JRK: variants seen among roughly 807,000 people sequenced by gnomAD.
The protein encoded by JRK is Jrk helix-turn-helix protein.
For missense variants in JRK, 720 were observed against 509.2 expected, an observed-to-expected ratio of 1.41 and a Z score of -3.98; for synonymous variants, 303 against 218.1, an observed-to-expected ratio of 1.39 and a Z score of -3.43.
chr8:142,651,692 C>T, the JRK span, among the ~76,000 whole-genome samples: 6 of 152,050 alleles, frequency 3.9e-5, no homozygotes, highest in South Asian at 2.1e-4. Context: ...AAACAAACAA[C>T]AAAACAACAA....
chr8:142,666,550 T>C (rs1297768679), intron 1 of JRK, 30 bp from the exon 2 acceptor site: 1 of 248,112 alleles, frequency 4.0e-6, no homozygotes, highest in Non-Finnish European at 8.4e-6. Flanking sequence ...GAGAGGAAAG[T>C]GATGGGGCGC....
At chr8:142,669,197 T>TGTGTGTTGGGGGGTATGGAGGATATGAA (rs1409456082) in intron 1 of JRK, among the ~76,000 whole-genome samples, 1 of 56,784 alleles carries the variant, frequency 1.8e-5, no homozygotes, top group Admixed American at 1.4e-4. Flanking sequence ...TGTGTGTGTG[T>TGTGTGTTGGGGGGTATGGAGGATATGAA]GTGCGTGTGT....
intron 1 of JRK, among the ~76,000 whole-genome samples, chr8:142,669,296 G>C (rs782084084): frequency 2.6e-4 from 39 of 152,056 alleles, no homozygotes; most frequent in Non-Finnish European, 4.4e-4. Context: ...CTGGGGGTCA[G>C]AAGGAGAGTA....
chr8:142,659,903 G>A lies in JRK; in HGVS notation c.*4449C>T. On this transcript the variant is annotated 3_prime_UTR_variant, in exon 2 of 2. Transcript: ENST00000612905. ...CAGGAGTGACCCCACCTCATTTCAT[G>A]TCATCATCACTGCCCTGCAAGGGAA... 1.0e-6 allele frequency: 1 copy of A among 985,580 alleles called. No individual in the cohort carries two copies. Among genetic ancestry groups the A allele is most frequent in the Non-Finnish European group, 1.2e-6 (1 of 829,990 alleles). 61.1% of individuals were successfully genotyped at this position (985,580 alleles called of 1,614,324 possible).
At position 142,659,728 on chromosome 8, in the gene JRK, G is replaced by A; in HGVS notation, c.*4624C>T. The A allele has an allele frequency of 1.0e-6, 1 of 985,526 alleles. No individual in the cohort carries two copies. Among genetic ancestry groups the A allele is most frequent in the Non-Finnish European group, 1.2e-6 (1 of 829,970 alleles). The allele number at this position is 985,526 out of a possible 1,614,324, so 61.0% of individuals were successfully genotyped here. A position where few individuals can be genotyped will look rare whatever the true frequency, so the allele number is the denominator to read the frequency against. The stretch of plus-strand genomic sequence containing the variant: ...TTTTCACCTCTGTTTACAGTTGAGT[G>A]CACTGCTCAAGGTCATGCAGCTGGT... On this transcript the variant is annotated 3_prime_UTR_variant, in exon 2 of 2. Transcript: ENST00000612905.
In JRK at chr8:142,660,591, G is replaced by A. The variant is rs782466190; in HGVS notation, c.*3761C>T. ...ATTTTCTTTTACTTTCTGTAGAGAT[G>A]GGGTCTCCCTATGTTGCCCAGGCTG... On this transcript the variant is annotated 3_prime_UTR_variant, in exon 2 of 2. Transcript: ENST00000612905. 7.4e-5 allele frequency: 54 copies of A among 726,712 alleles called. No individual in the cohort carries two copies. The highest frequency in any genetic ancestry group is 8.7e-5 in the Non-Finnish European group (52 of 595,546). The allele number at this position is 726,712 out of a possible 1,614,324, so 45.0% of individuals were successfully genotyped here.
At chr8:142,648,833 CCA>C in the JRK span, among the ~76,000 whole-genome samples, 16 of 152,306 alleles carry the variant, frequency 1.1e-4, no homozygotes, top group Admixed American at 2.0e-4. Flanking sequence ...CCTGGAAAAG[CCA>C]CAGACACTCA....
Position 142,664,965 on chromosome 8 carries a change from C to G in JRK, c.1094G>C (p.Ser365Thr), listed in dbSNP as rs186414435. The stretch of plus-strand genomic sequence containing the variant: ...GACTGCGTTCCAGGCACAGGCCACG[C>G]TGAATATGGCATCGTTCATGTTGTA... ...ARYNMNDAIF[S>T]VACAWNAVPS... The change falls in exon 2 of 2, where the codon AGC (serine) becomes ACC (threonine). Residue 365 changes from serine to threonine, a missense_variant. Coordinates refer to ENST00000612905, the MANE Select transcript of JRK (RefSeq NM_003724.4). 1 of 750,124 alleles carries G rather than the reference C, an allele frequency of 1.3e-6. No individual in the cohort carries two copies. Among genetic ancestry groups the G allele is most frequent in the Admixed American group, 1.9e-5 (1 of 52,380 alleles). The allele number at this position is 750,124 out of a possible 1,614,324, so 46.5% of individuals were successfully genotyped here.
At chr8:142,643,784 A>G in the JRK span, among the ~76,000 whole-genome samples, 28 of 152,376 alleles carry the variant, frequency 1.8e-4, no homozygotes, top group African/African-American at 6.7e-4. Context: ...AGTTTCTCCA[A>G]GTGTGTCCTC....
chr8:142,659,717 T>A lies in JRK; in HGVS notation c.*4635A>T, dbSNP rs1261016315. 1.0e-6 allele frequency: 1 copy of A among 985,370 alleles called. No individual in the cohort carries two copies. The highest frequency in any genetic ancestry group is 1.2e-6 in the Non-Finnish European group (1 of 829,962). The allele number at this position is 985,370 out of a possible 1,614,324, so 61.0% of individuals were successfully genotyped here. A position where few individuals can be genotyped will look rare whatever the true frequency, so the allele number is the denominator to read the frequency against. The stretch of plus-strand genomic sequence containing the variant: ...GTAAAGGAGTGTTTTCACCTCTGTT[T>A]ACAGTTGAGTGCACTGCTCAAGGTC... On this transcript the variant is annotated 3_prime_UTR_variant, in exon 2 of 2. Coordinates refer to ENST00000612905, the MANE Select transcript of JRK (RefSeq NM_003724.4).
In JRK at chr8:142,661,856, A is replaced by G. The variant is rs1475163181; in HGVS notation, c.*2496T>C. On this transcript the variant is annotated 3_prime_UTR_variant, in exon 2 of 2. Coordinates refer to ENST00000612905, the MANE Select transcript of JRK (RefSeq NM_003724.4). ...CTGAGACGGGTCAGGAAGTGAAAAC[A>G]AAGTGCTCGGAGGACACGGCAGTCT... 2 of 985,394 alleles carry G rather than the reference A, an allele frequency of 2.0e-6. No homozygotes were observed. Among genetic ancestry groups the G allele is most frequent in the African/African-American group, 1.7e-5 (1 of 57,238 alleles). 61.0% of individuals were successfully genotyped at this position (985,394 alleles called of 1,614,324 possible).
In JRK at chr8:142,665,547, C is replaced by T. The variant is rs1847090937; in HGVS notation, c.512G>A (p.Ser171Asn). ...GGACAGCCCGTGCTCAGCAGCCAAGCTCCTGAAAAACGCACAGAACTGCTC... is the reference window on the plus strand; with the variant it reads ...GGACAGCCCGTGCTCAGCAGCCAAGTTCCTGAAAAACGCACAGAACTGCTC... Reference protein sequence around the residue: ...AAEQFCAFFRSLAAEHGLSAE... With the variant: ...AAEQFCAFFRNLAAEHGLSAE... Residue 171 changes from serine to asparagine, a missense_variant, in exon 2 of 2, where the codon AGC becomes AAC. Physicochemically the swap from Ser to Asn is conservative, Grantham distance 46. Transcript: ENST00000612905. 5.6e-6 allele frequency: 4 copies of T among 718,506 alleles called. No homozygotes were observed. Among genetic ancestry groups the T allele is most frequent in the Non-Finnish European group, 1.0e-5 (4 of 385,100 alleles). 44.5% of individuals were successfully genotyped at this position (718,506 alleles called of 1,614,324 possible). A position where few individuals can be genotyped will look rare whatever the true frequency, so the allele number is the denominator to read the frequency against.
In JRK at chr8:142,665,570, C is replaced by T. The variant is rs1554635769; in HGVS notation, c.489G>A (p.Glu163=). Residue 163 remains glutamate, a synonymous_variant, in exon 2 of 2, where the codon GAG becomes GAA. Coordinates refer to ENST00000612905, the MANE Select transcript of JRK (RefSeq NM_003724.4). ...AGCTCCTGAAAAACGCACAGAACTG[C>T]TCCGCGGCCTGGTGGTCGGCTGACT... ...EKQSADHQAA[E]QFCAFFRSLA... is the part of the protein sequence containing the mutation. 12 of 718,550 alleles carry T rather than the reference C, an allele frequency of 1.7e-5. No individual in the cohort carries two copies. The East Asian group carries it at 3.2e-4, about 19-fold the overall frequency. The allele number at this position is 718,550 out of a possible 1,614,324, so 44.5% of individuals were successfully genotyped here. A position where few individuals can be genotyped will look rare whatever the true frequency, so the allele number is the denominator to read the frequency against.
At chr8:142,653,256 G>T (rs1846696755), downstream of JRK, among the ~76,000 whole-genome samples, 1 of 152,194 alleles carries the variant, frequency 6.6e-6, no homozygotes, top group Non-Finnish European at 1.5e-5. Context: ...GATGAGAGGG[G>T]CCTGGATTCT....
At chr8:142,652,739 T>C (rs1310261688), downstream of JRK, among the ~76,000 whole-genome samples, 1 of 152,190 alleles carries the variant, frequency 6.6e-6, no homozygotes, top group Admixed American at 6.5e-5. Context: ...CCCAGTGTAT[T>C]TTCCTTTCAC....
rs1211601321 is a variant in JRK, at chr8:142,662,264, G to A, written c.*2088C>T. On this transcript the variant is annotated 3_prime_UTR_variant, in exon 2 of 2. Coordinates refer to ENST00000612905, the MANE Select transcript of JRK (RefSeq NM_003724.4). ...CTGACAGGGACAAGCCATGTCCAGA[G>A]GACTCAGGAGAGCCAGCCAGGAGCT... The A allele has an allele frequency of 2.2e-5, 22 of 985,612 alleles. No homozygotes were observed. Among genetic ancestry groups the A allele is most frequent in the African/African-American group, 3.5e-5 (2 of 57,256 alleles). 61.1% of individuals were successfully genotyped at this position (985,612 alleles called of 1,614,324 possible).
downstream of JRK, among the ~76,000 whole-genome samples, chr8:142,653,038 G>A (rs914811302): frequency 3.9e-5 from 6 of 152,336 alleles, no homozygotes; most frequent in Non-Finnish European, 8.8e-5. Flanking sequence ...GCAGACCATG[G>A]TGAAGAGACC....
the JRK span, among the ~76,000 whole-genome samples, chr8:142,648,793 G>C: frequency 2.4e-4 from 37 of 152,336 alleles, no homozygotes; most frequent in African/African-American, 8.2e-4. Context: ...ACCCCAGAAT[G>C]GTAGATCCAC....
At position 142,660,599 on chromosome 8, in the gene JRK, C is replaced by T; in HGVS notation, c.*3753G>A. On this transcript the variant is annotated 3_prime_UTR_variant, in exon 2 of 2. Transcript: ENST00000612905. ...TTACTTTCTGTAGAGATGGGGTCTC[C>T]CTATGTTGCCCAGGCTGGTTTCAAA... is the stretch of plus-strand genomic sequence containing the variant. 2 of 760,002 alleles carry T rather than the reference C, an allele frequency of 2.6e-6. No individual in the cohort carries two copies. The highest frequency in any genetic ancestry group is 3.2e-6 in the Non-Finnish European group (2 of 626,078). The allele number at this position is 760,002 out of a possible 1,614,324, so 47.1% of individuals were successfully genotyped here.
Sources: gnomAD v4.1 joint callset for allele counts (sites outside exome capture counted in the v4.1 genomes callset) on GRCh38, gnomAD v4.1.1 for gene constraint, MANE v1.5 for transcripts, NCBI Gene and HGNC (gene_info 2026-07-23, HGNC 2026-07-21) for gene names.